TTC23: variants seen among roughly 807,000 people sequenced by gnomAD.
TTC23 encodes the protein tetratricopeptide repeat protein 23.
A neutral mutation model predicts 55.1 loss-of-function variants in TTC23; 58 were observed. That is an observed-to-expected ratio of 1.05 (90% CI 0.85 to 1.31). TTC23 has a LOEUF of 1.31. TTC23 is among the 50% of genes most tolerant of loss of function. The pLI is 0.00. For synonymous variants in TTC23, 203 were observed against 199.9 expected (o/e 1.02, Z -0.13); for missense variants, 516 against 534.4 (o/e 0.97, Z 0.34).
intron 10 of TTC23, among the ~76,000 whole-genome samples, chr15:99,174,462 CA>C (rs34376987): frequency 3.2e-3 from 455 of 140,906 alleles, no homozygotes; most frequent in South Asian, 4.1e-3. Context: ...ATATTATGAC[CA>C]AAAAAAAAAA....
chr15:99,220,676 A>G (rs2077850148), intron 6 of TTC23, among the ~76,000 whole-genome samples: 1 of 152,216 alleles, frequency 6.6e-6, no homozygotes, highest in African/African-American at 2.4e-5. Flanking sequence ...TTGGTATAGA[A>G]TATGCTTGGC....
chr15:99,240,665 T>C (rs1390302825), intron 3 of TTC23, among the ~76,000 whole-genome samples: 2 of 152,244 alleles, frequency 1.3e-5, no homozygotes, highest in Non-Finnish European at 2.9e-5. Flanking sequence ...ATTGTTCTTG[T>C]GTCTTATTGT....
At chr15:99,208,938 G>A (rs549478264) in intron 8 of TTC23, among the ~76,000 whole-genome samples, 14 of 152,210 alleles carry the variant, frequency 9.2e-5, no homozygotes, top group African/African-American at 3.1e-4. Context: ...TTATTATCTA[G>A]TGTATCCACA....
intron 8 of TTC23, among the ~76,000 whole-genome samples, chr15:99,204,607 T>G (rs1017142952): frequency 6.6e-5 from 10 of 150,632 alleles, no homozygotes; most frequent in African/African-American, 2.4e-4. Flanking sequence ...TCCAGTAGTT[T>G]CAGAGTTTCA....
chr15:99,217,365 G>A (rs1184121229), intron 8 of TTC23, among the ~76,000 whole-genome samples: 1 of 152,032 alleles, frequency 6.6e-6, no homozygotes, highest in Non-Finnish European at 1.5e-5. Context: ...CACCATGTTT[G>A]TCAGGCTGGT....
rs2073390299 is a variant in TTC23, at chr15:99,175,093, G to A, written c.822C>T (p.Ile274=). 5.6e-6 allele frequency: 9 copies of A among 1,614,090 alleles called. No homozygotes were observed. The highest frequency in any genetic ancestry group is 4.5e-5 in the East Asian group (2 of 44,892). ...CTGAAGCGACAGCAGCATGGGCGAC[G>A]ATGTGTGCCGAGTCTGCTGCCTCCA... ...SQVEAADSAH[I]VAHAAVASGR... Residue 274 remains isoleucine, a synonymous_variant, in exon 10 of 14, where the codon ATC becomes ATT. Transcript: ENST00000394132.
At chr15:99,202,354 T>C (rs1210738330) in intron 8 of TTC23, among the ~76,000 whole-genome samples, 2 of 152,134 alleles carry the variant, frequency 1.3e-5, no homozygotes, top group East Asian at 3.8e-4. Flanking sequence ...AAAGAATGGA[T>C]CCTTTGTTTC....
chr15:99,176,503 C>A (rs995788318), intron 9 of TTC23, among the ~76,000 whole-genome samples: 8 of 152,028 alleles, frequency 5.3e-5, no homozygotes, highest in African/African-American at 1.9e-4. Flanking sequence ...CCCAGCTACT[C>A]GGGAGGGCTA....
intron 9 of TTC23, among the ~76,000 whole-genome samples, chr15:99,178,532 G>A (rs2073823862): frequency 6.6e-6 from 1 of 152,116 alleles, no homozygotes; most frequent in African/African-American, 2.4e-5. Context: ...GCCAGATATT[G>A]TGCTAACATT....
chr15:99,139,831 C>A, intron 12 of TTC23: 1 of 1,056,324 alleles, frequency 9.5e-7, no homozygotes, highest in Non-Finnish European at 1.3e-6. Flanking sequence ...ATACTCTTGA[C>A]TACACAGCAA....
At chr15:99,142,918 G>A (rs569383016) in intron 12 of TTC23, among the ~76,000 whole-genome samples, 38 of 152,268 alleles carry the variant, frequency 2.5e-4, no homozygotes, top group African/African-American at 8.2e-4. Context: ...GAAGAGGGGC[G>A]CCCCATCCTT....
chr15:99,167,468 C>T (rs999320582), intron 10 of TTC23, among the ~76,000 whole-genome samples: 5 of 152,192 alleles, frequency 3.3e-5, no homozygotes, highest in Non-Finnish European at 7.3e-5. Flanking sequence ...TATTTTCACT[C>T]TAACAGAATG....
intron 10 of TTC23, among the ~76,000 whole-genome samples, chr15:99,165,449 A>G (rs1460458287): frequency 6.6e-6 from 1 of 152,234 alleles, no homozygotes; most frequent in Non-Finnish European, 1.5e-5. Flanking sequence ...AGTCAACCTA[A>G]AGAAAGCTTA....
chr15:99,228,584 C>T lies in TTC23; in HGVS notation c.129G>A (p.Glu43=). 1 of 1,613,866 alleles carries T rather than the reference C, an allele frequency of 6.2e-7. No individual in the cohort carries two copies. Among genetic ancestry groups the T allele is most frequent in the Non-Finnish European group, 8.5e-7 (1 of 1,179,858 alleles). Residue 43 remains glutamate (E), a synonymous_variant, in exon 5 of 14, where the codon GAG becomes GAA. Coordinates refer to ENST00000394132, the MANE Select transcript of TTC23 (RefSeq NM_001288615.3). ...LQTALFQPPR[E]KLHLCEEKAK... is the part of the protein sequence containing the mutation. Reference sequence around the variant, plus strand: ...CTTTCTCTTCACAGAGGTGGAGTTTCTCTCGAGGAGGCTGGAATAGTGCTG... The same window carrying T: ...CTTTCTCTTCACAGAGGTGGAGTTTTTCTCGAGGAGGCTGGAATAGTGCTG...
chr15:99,229,772 C>G (rs1034471277), intron 4 of TTC23, among the ~76,000 whole-genome samples: 10 of 152,202 alleles, frequency 6.6e-5, no homozygotes, highest in Non-Finnish European at 1.5e-4. Context: ...TTCCCACCAA[C>G]CAGACTGAAA....
rs141618082 is a variant in TTC23, at chr15:99,221,762, G to C, written c.283C>G (p.Gln95Glu). The C allele has an allele frequency of 4.3e-5, 70 of 1,614,068 alleles. No homozygotes were observed. The East Asian group carries it at 1.4e-3, about 33-fold the overall frequency. Reference sequence around the variant, plus strand: ...TTACCTTTCAGCTGGAGGTAGCCTTGAGCCAGATTAACATGTGCCTCTGCT... The same window carrying C: ...TTACCTTTCAGCTGGAGGTAGCCTTCAGCCAGATTAACATGTGCCTCTGCT... Reference protein sequence around the residue: ...KLAEAHVNLAQGYLQLKGLSL... With the variant: ...KLAEAHVNLAEGYLQLKGLSL... The change falls in exon 6 of 14, where the codon CAA becomes GAA. Residue 95 changes from glutamine to glutamate, a missense_variant. By Grantham distance (29) the Gln-to-Glu change is conservative. Coordinates refer to ENST00000394132, the MANE Select transcript of TTC23 (RefSeq NM_001288615.3).
intron 13 of TTC23, among the ~76,000 whole-genome samples, chr15:99,138,855 C>T (rs1472280420): frequency 6.6e-6 from 1 of 152,222 alleles, no homozygotes; most frequent in Non-Finnish European, 1.5e-5. Context: ...CTCTGCGGAC[C>T]AGGCTCTGTG....
chr15:99,145,242 C>T (rs531159099), intron 12 of TTC23: 1 of 152,342 alleles, frequency 6.6e-6, no homozygotes, highest in South Asian at 2.1e-4. Context: ...AGCAACACGC[C>T]AACCCTGTGG....
intron 12 of TTC23, chr15:99,139,849 G>T: frequency 1.1e-6 from 1 of 922,658 alleles, no homozygotes; most frequent in Non-Finnish European, 1.5e-6. Context: ...CAATGTCTTA[G>T]TTATTAGGAA....
Sources: gnomAD v4.1 joint callset for allele counts (sites outside exome capture counted in the v4.1 genomes callset) on GRCh38, gnomAD v4.1.1 for gene constraint, MANE v1.5 for transcripts, NCBI Gene and HGNC (gene_info 2026-07-23, HGNC 2026-07-21) for gene names.